The following SLC8B1 variants were observed in gnomAD, a reference collection of about 807,000 sequenced individuals.
SLC8B1 encodes the protein solute carrier family 8 member B1.
A neutral mutation model predicts 63.4 loss-of-function variants in SLC8B1; 52 were observed. The ratio of observed to expected loss-of-function variants is 0.82; its 90% CI spans 0.66 to 1.03. The LOEUF (loss-of-function observed/expected upper bound fraction) is 1.03, where lower values mean the gene tolerates loss of function less well. Among genes scored for constraint, SLC8B1 ranks in the 50% least tolerant of loss-of-function variants. SLC8B1 has a pLI of 0.00. For synonymous variants in SLC8B1, 336 were observed against 323.9 expected (o/e 1.04, Z -0.40); for missense variants, 657 against 741.7 (o/e 0.89, Z 1.33).
rs1956989183 is a variant in SLC8B1, at chr12:113,325,725, C to T, written c.157-4377G>A. On this transcript the variant is annotated intron_variant, in intron 2 of 15. Coordinates refer to ENST00000680972, the MANE Select transcript of SLC8B1 (RefSeq NM_001358345.2). ...GACTACAGGCGCTCGCCACCACGCC[C>T]AGCTAATTTTTTGTATTTTTAGTAG... 1.3e-5 allele frequency among the ~76,000 whole-genome samples: 2 copies of T among 151,456 alleles called. 1 individual carries two copies. Among genetic ancestry groups the T allele is most frequent in the South Asian group, 4.2e-4 (2 of 4,782 alleles).
In SLC8B1 at chr12:113,299,981, A is replaced by C. The variant is rs1225820584; in HGVS notation, c.1558-7T>G. The C allele has an allele frequency of 7.4e-6, 12 of 1,612,322 alleles. No individual in the cohort carries two copies. The highest frequency in any genetic ancestry group is 9.3e-6 in the Non-Finnish European group (11 of 1,179,684). ...GCAGTCCGTCTGGCTCCAGCTGTGG[A>C]AGAATGAGGGGAGAGAGGCTGAGTC... is the stretch of plus-strand genomic sequence containing the variant. On this transcript the variant is annotated splice_polypyrimidine_tract_variant and splice_region_variant and intron_variant, in intron 15 of 15. Coordinates refer to ENST00000680972, the MANE Select transcript of SLC8B1 (RefSeq NM_001358345.2).
At chr12:113,311,697 ATTTTTT>A (rs58060872) in intron 11 of SLC8B1, among the ~76,000 whole-genome samples, 1 of 95,390 alleles carries the variant, frequency 1.0e-5, no homozygotes, top group Non-Finnish European at 2.0e-5. Flanking sequence ...GTCAAGGGGG[ATTTTTT>A]TTTTTTTTTT....
intron 11 of SLC8B1, among the ~76,000 whole-genome samples, 189 bp downstream of exon 11, chr12:113,315,146 C>G (rs1168283259): frequency 2.0e-5 from 3 of 152,150 alleles, no homozygotes; most frequent in African/African-American, 7.2e-5. Context: ...ATTAGCTGGG[C>G]GTGGTAGTGC....
At chr12:113,307,987 G>T in intron 12 of SLC8B1, 143 bp from the exon 13 acceptor site, 1 of 944,152 alleles carries the variant, frequency 1.1e-6, no homozygotes, top group Non-Finnish European at 1.5e-6. Context: ...ATATGCATTG[G>T]TGCCTGTGCA....
Position 113,299,623 on chromosome 12 carries a change from C to A in SLC8B1, c.*154G>T. 1 of 704,502 alleles carries A rather than the reference C, an allele frequency of 1.4e-6. No homozygotes were observed. Among genetic ancestry groups the A allele is most frequent in the Non-Finnish European group, 2.4e-6 (1 of 410,414 alleles). The allele number at this position is 704,502 out of a possible 1,614,324, so 43.6% of individuals were successfully genotyped here. On this transcript the variant is annotated 3_prime_UTR_variant, in exon 16 of 16. Transcript: ENST00000680972. ...CAGCAAGAGGTACACAGCAGTTCTC[C>A]CAGCTCACAGCAGTGACCTCAGATC...
intron 2 of SLC8B1, among the ~76,000 whole-genome samples, chr12:113,327,459 CCCAGT>C (rs1424513485): frequency 6.6e-6 from 1 of 152,008 alleles, no homozygotes; most frequent in Non-Finnish European, 1.5e-5. Context: ...CATCTGTAAT[CCCAGT>C]GCCTGAGCCC....
intron 9 of SLC8B1, 70 bp downstream of exon 9, chr12:113,316,872 G>T: frequency 6.4e-7 from 1 of 1,556,550 alleles, no homozygotes; most frequent in South Asian, 1.1e-5. Flanking sequence ...GGTCTTGGAG[G>T]GCCCCATCTT....
chr12:113,304,795 G>T (rs891084450), intron 14 of SLC8B1, among the ~76,000 whole-genome samples: 1 of 152,142 alleles, frequency 6.6e-6, no homozygotes, highest in Admixed American at 6.5e-5. Context: ...TAGAGACAGG[G>T]TCTTGCTGTG....
intron 2 of SLC8B1, among the ~76,000 whole-genome samples, chr12:113,331,504 G>A (rs1199311912): frequency 1.3e-5 from 2 of 151,864 alleles, no homozygotes; most frequent in African/African-American, 2.4e-5. Flanking sequence ...GCAGGCAGAA[G>A]AATGTGGAAA....
chr12:113,300,009 T>G (rs770144873), intron 15 of SLC8B1, 35 bp from the exon 16 acceptor site: 1 of 1,599,150 alleles, frequency 6.3e-7, no homozygotes, highest in African/African-American at 1.3e-5. Context: ...GCTGAGTCAC[T>G]GCCCGTCACA....
intron 2 of SLC8B1, among the ~76,000 whole-genome samples, chr12:113,324,499 C>T (rs1006797060): frequency 8.0e-5 from 12 of 149,216 alleles, no homozygotes; most frequent in Admixed American, 7.4e-4. Context: ...CTCCACCTCT[C>T]GGGTTCAACT....
intron 8 of SLC8B1, among the ~76,000 whole-genome samples, chr12:113,318,217 G>T (rs1391673179): frequency 6.6e-6 from 1 of 151,802 alleles, no homozygotes; most frequent in Non-Finnish European, 1.5e-5. Flanking sequence ...ATTCATATAT[G>T]TGTTGTATGT....
chr12:113,304,517 G>A (rs1956646194), intron 14 of SLC8B1, 132 bp from the exon 15 acceptor site: 1 of 730,112 alleles, frequency 1.4e-6, no homozygotes, highest in South Asian at 1.6e-5. Flanking sequence ...CAGGCGCAGT[G>A]GCTCATGCCT....
At chr12:113,314,640 G>A (rs980913146) in intron 11 of SLC8B1, among the ~76,000 whole-genome samples, 1 of 152,178 alleles carries the variant, frequency 6.6e-6, no homozygotes, top group African/African-American at 2.4e-5. Flanking sequence ...GCAATGGAGG[G>A]GACTGTGATG....
Position 113,310,432 on chromosome 12 carries a change from G to A in SLC8B1, c.1136-77C>T, listed in dbSNP as rs1322645661. The A allele has an allele frequency of 6.5e-6, 10 of 1,541,972 alleles. No individual in the cohort carries two copies. The African/African-American group carries it at 8.2e-5, about 13-fold the overall frequency. ...CTTACAATGGACTATTTGGATGTCAGGTAGACACTTCCTATCTGCCCAGCC... is the reference window on the plus strand; with the variant it reads ...CTTACAATGGACTATTTGGATGTCAAGTAGACACTTCCTATCTGCCCAGCC... On this transcript the variant is annotated intron_variant, in intron 11 of 15. Transcript: ENST00000680972.
At chr12:113,321,798 T>TATATA (rs1956935987) in intron 2 of SLC8B1, among the ~76,000 whole-genome samples, 1 of 148,258 alleles carries the variant, frequency 6.7e-6, no homozygotes, top group African/African-American at 2.5e-5. Flanking sequence ...ATATATATAT[T>TATATA]AATATACCTT....
intron 11 of SLC8B1, 36 bp downstream of exon 11, chr12:113,315,299 A>G: frequency 6.7e-7 from 1 of 1,485,312 alleles, no homozygotes; most frequent in Non-Finnish European, 9.0e-7. Context: ...GGGAAGGAGT[A>G]GGAAGGTGGG....
intron 15 of SLC8B1, 115 bp downstream of exon 15, chr12:113,304,206 T>C: frequency 3.4e-6 from 3 of 889,724 alleles, no homozygotes; most frequent in Non-Finnish European, 5.4e-6. Flanking sequence ...CTCAAAGTCA[T>C]ACAGCCAGGG....
chr12:113,309,860 T>TG (rs1381489590), intron 12 of SLC8B1, among the ~76,000 whole-genome samples: 1 of 151,624 alleles, frequency 6.6e-6, no homozygotes, highest in Admixed American at 6.6e-5. Context: ...AGGGGCTATG[T>TG]GGGGGGTGGG....
Sources: gnomAD v4.1 joint callset for allele counts (sites outside exome capture counted in the v4.1 genomes callset) on GRCh38, gnomAD v4.1.1 for gene constraint, MANE v1.5 for transcripts, NCBI Gene and HGNC (gene_info 2026-07-23, HGNC 2026-07-21) for gene names.